Variants in RREB1 observed in about 807,000 individuals in gnomAD.
RREB1 encodes ras responsive element binding protein 1, also known as ras-responsive element-binding protein 1.
Under a neutral mutation model 117.8 loss-of-function variants are expected in RREB1, and 27 were observed. The ratio of observed to expected loss-of-function variants is 0.23; its 90% confidence interval spans 0.17 to 0.32. The LOEUF (loss-of-function observed/expected upper bound fraction) is 0.32. RREB1 is among the 10% of genes least tolerant of loss of function. The pLI is 1.00. For synonymous variants in RREB1, 1,298 were observed against 1,026.7 expected, an observed-to-expected ratio of 1.26 and a Z score of -5.05; for missense variants, 2,577 against 2,378.2, an observed-to-expected ratio of 1.08 and a Z score of -1.74.
chr6:7,200,186 A>G (rs767369770), intron 6 of RREB1, among the ~76,000 whole-genome samples: 1 of 148,668 alleles, frequency 6.7e-6, no homozygotes, highest in African/African-American at 2.5e-5. Context: ...TTTTATATAT[A>G]TGTGTGTGTG....
intron 3 of RREB1, chr6:7,181,575 C>T (rs897279604): frequency 3.7e-6 from 2 of 542,966 alleles, no homozygotes; most frequent in Non-Finnish European, 6.4e-6. Flanking sequence ...TGGCCTTTCC[C>T]ACTCTGCCTA....
At chr6:7,202,586 G>A (rs755818295) in intron 6 of RREB1, among the ~76,000 whole-genome samples, 43 of 152,190 alleles carry the variant, frequency 2.8e-4, no homozygotes, top group Non-Finnish European at 7.3e-5. Flanking sequence ...TTCAGTTGGG[G>A]CACCATCACC....
intron 6 of RREB1, among the ~76,000 whole-genome samples, chr6:7,202,508 G>A (rs987848411): frequency 6.6e-6 from 1 of 152,182 alleles, no homozygotes; most frequent in Non-Finnish European, 1.5e-5. Context: ...CTGGTCTCTG[G>A]TGGCCGGCGA....
Position 7,249,099 on chromosome 6 carries a change from G to GAC in RREB1, c.*132_*133insCA, listed in dbSNP as rs1308089743. 3.4e-5 allele frequency: 20 copies of GAC among 587,806 alleles called. No individual in the cohort carries two copies. In the African/African-American group the frequency reaches 3.5e-4, roughly 10 times the overall value. 36.4% of individuals were successfully genotyped at this position (587,806 alleles called of 1,614,324 possible). A position where few individuals can be genotyped will look rare whatever the true frequency, so the allele number is the denominator to read the frequency against. The stretch of plus-strand genomic sequence containing the variant: ...AGAGAGAGAGAGAGAGAGAGAGAGA[G>GAC]AGAGACAAGCAGGAGCGTGGCTGCT... On this transcript the variant is annotated 3_prime_UTR_variant, in exon 13 of 13. Transcript: ENST00000379938.
chr6:7,224,353 C>T (rs1767455455), intron 8 of RREB1, among the ~76,000 whole-genome samples: 1 of 152,134 alleles, frequency 6.6e-6, no homozygotes, highest in African/African-American at 2.4e-5. Context: ...CTAAAAAATT[C>T]AGTCACTTGT....
At chr6:7,174,623 A>AT (rs59175516) in intron 1 of RREB1, among the ~76,000 whole-genome samples, 1 of 152,064 alleles carries the variant, frequency 6.6e-6, no homozygotes, top group African/African-American at 2.4e-5. Flanking sequence ...GTATTTATTT[A>AT]TTTTTTTGAG....
At chr6:7,162,291 A>T (rs1763711201) in intron 1 of RREB1, among the ~76,000 whole-genome samples, 1 of 152,014 alleles carries the variant, frequency 6.6e-6, no homozygotes, top group Non-Finnish European at 1.5e-5. Context: ...AAAAAGAATG[A>T]ATTCAGCATT....
At chr6:7,117,208 G>A (rs556984355) in intron 1 of RREB1, among the ~76,000 whole-genome samples, 1 of 151,912 alleles carries the variant, frequency 6.6e-6, no homozygotes, top group South Asian at 2.1e-4. Flanking sequence ...CTGTTTTAAG[G>A]GAGCTCCCTT....
At chr6:7,188,539 A>G (rs1765226684) in intron 5 of RREB1, among the ~76,000 whole-genome samples, 1 of 151,754 alleles carries the variant, frequency 6.6e-6, no homozygotes, top group Admixed American at 6.6e-5. Flanking sequence ...TTATTATGAG[A>G]TTTACCCTTC....
At chr6:7,136,530 C>T (rs1762354849) in intron 1 of RREB1, among the ~76,000 whole-genome samples, 1 of 152,188 alleles carries the variant, frequency 6.6e-6, no homozygotes, top group Admixed American at 6.5e-5. Flanking sequence ...CTATCCTCAG[C>T]TTCCCAAAAT....
intron 1 of RREB1, among the ~76,000 whole-genome samples, chr6:7,121,656 C>G (rs775575194): frequency 2.0e-4 from 30 of 152,128 alleles, no homozygotes; most frequent in Admixed American, 4.6e-4. Context: ...GGAGTGGAAC[C>G]TGTCCCCGTG....
intron 6 of RREB1, among the ~76,000 whole-genome samples, chr6:7,199,030 T>C (rs1561776149): frequency 6.6e-6 from 1 of 152,204 alleles, no homozygotes; most frequent in African/African-American, 2.4e-5. Flanking sequence ...CATAAGCTTA[T>C]TGATTGATTA....
At chr6:7,110,595 A>T (rs926635140) in intron 1 of RREB1, among the ~76,000 whole-genome samples, 1 of 152,148 alleles carries the variant, frequency 6.6e-6, no homozygotes, top group Non-Finnish European at 1.5e-5. Context: ...GATGAATTAA[A>T]CATTTGAATG....
chr6:7,127,376 T>A (rs879258823), intron 1 of RREB1, among the ~76,000 whole-genome samples: 5 of 152,168 alleles, frequency 3.3e-5, no homozygotes, highest in African/African-American at 4.8e-5. Context: ...CCTTTTTTTT[T>A]ACAAGAGATT....
In RREB1 at chr6:7,132,994, A is replaced by T. The variant is rs1762214939; in HGVS notation, c.-285+24934A>T. ...TTTGCTATACTATCCATCAAGCAAT[A>T]CAAGTAGTCAAATTGGTGATAGGAG... On this transcript the variant is annotated intron_variant, in intron 1 of 12. Coordinates refer to ENST00000379938, the MANE Select transcript of RREB1 (RefSeq NM_001003699.4). Among the ~76,000 whole-genome samples the T allele has an allele frequency of 2.6e-5, 4 of 152,242 alleles. No homozygotes were observed. In the South Asian group the frequency reaches 8.3e-4, roughly 31 times the overall value.
intron 1 of RREB1, among the ~76,000 whole-genome samples, chr6:7,120,172 C>T (rs564174563): frequency 7.3e-5 from 11 of 151,462 alleles, no homozygotes; most frequent in East Asian, 2.0e-4. Context: ...GTACCTAGGC[C>T]GGGCGTGGTG....
chr6:7,198,514 A>T (rs1262044828), intron 6 of RREB1, among the ~76,000 whole-genome samples: 1 of 152,260 alleles, frequency 6.6e-6, no homozygotes, highest in Admixed American at 6.5e-5. Flanking sequence ...ACTTAGAAGG[A>T]CATAAATGTT....
At chr6:7,231,933 C>A in intron 10 of RREB1, 26 bp downstream of exon 10, 4 of 1,555,984 alleles carry the variant, frequency 2.6e-6, no homozygotes, top group Non-Finnish European at 2.6e-6. Flanking sequence ...GGCTCCCAGG[C>A]AGTGAGTCCT....
rs1488415097 is a variant in RREB1, at chr6:7,231,250, C to T, written c.3151C>T (p.Leu1051=). ...GCGTCCACTGCGGCCCAAGCCCCCGCTGCTTTTGCCAAAGCCCCCCGTGAC... is the reference window on the plus strand; with the variant it reads ...GCGTCCACTGCGGCCCAAGCCCCCGTTGCTTTTGCCAAAGCCCCCCGTGAC... ...LLRPLRPKPP[L]LLPKPPVTEE... Residue 1051 remains leucine, a synonymous_variant, in exon 10 of 13, where the codon CTG becomes TTG. Transcript: ENST00000379938. 1.9e-6 allele frequency: 3 copies of T among 1,612,686 alleles called. 1 individual carries two copies. The highest frequency in any genetic ancestry group is 2.2e-5 in the South Asian group (2 of 91,014).
Sources: allele counts gnomAD v4.1 joint callset (sites outside exome capture counted in the v4.1 genomes callset), GRCh38; gene constraint gnomAD v4.1.1; transcripts MANE v1.5; gene names NCBI Gene and HGNC (gene_info 2026-07-23, HGNC 2026-07-21).